The following MAGI1 variants were observed in gnomAD, a reference collection of about 807,000 sequenced individuals.
The protein encoded by MAGI1 is membrane-associated guanylate kinase, WW and PDZ domain-containing protein 1.
A neutral mutation model predicts 139.9 loss-of-function variants in MAGI1; 58 were observed. The ratio of observed to expected loss-of-function variants is 0.41; its 90% CI spans 0.34 to 0.52. The LOEUF (loss-of-function observed/expected upper bound fraction) is 0.52. Among genes scored for constraint, MAGI1 ranks in the 20% least tolerant of loss-of-function variants. MAGI1 has a pLI of 0.12. For synonymous variants in MAGI1, 812 were observed against 737.9 expected (o/e 1.10, Z -1.63); for missense variants, 1,874 against 1,901.6 (o/e 0.99, Z 0.27).
chr3:65,959,092 A>G (rs952639186), intron 1 of MAGI1, among the ~76,000 whole-genome samples: 2 of 152,196 alleles, frequency 1.3e-5, no homozygotes, highest in Non-Finnish European at 2.9e-5. Flanking sequence ...ATGAGTTCTA[A>G]AAGTCTCTGG....
intron 5 of MAGI1, among the ~76,000 whole-genome samples, chr3:65,455,241 T>C (rs2107508353): frequency 6.6e-6 from 1 of 152,246 alleles, no homozygotes; most frequent in Non-Finnish European, 1.5e-5. Context: ...CCGTGACAAC[T>C]AGGATACTGA....
intron 1 of MAGI1, among the ~76,000 whole-genome samples, chr3:66,012,787 A>C (rs2067396384): frequency 6.6e-6 from 1 of 151,850 alleles, no homozygotes; most frequent in Non-Finnish European, 1.5e-5. Flanking sequence ...AAAAAGAATA[A>C]ATAAGGGGAC....
chr3:65,911,638 G>C (rs2061674033), intron 1 of MAGI1, among the ~76,000 whole-genome samples: 1 of 152,042 alleles, frequency 6.6e-6, no homozygotes, highest in African/African-American at 2.4e-5. Flanking sequence ...TTATTTTTAA[G>C]CCCTTCAAAG....
intron 1 of MAGI1, among the ~76,000 whole-genome samples, chr3:65,738,341 T>A (rs1238061192): frequency 2.6e-5 from 4 of 152,212 alleles, no homozygotes; most frequent in Non-Finnish European, 4.4e-5. Flanking sequence ...CAAGCCAATT[T>A]AAAAAAAAAA....
intron 13 of MAGI1, among the ~76,000 whole-genome samples, chr3:65,394,026 A>T (rs2107023031): frequency 6.6e-6 from 1 of 152,282 alleles, no homozygotes; most frequent in South Asian, 2.1e-4. Context: ...GAAAATGCGT[A>T]TGTGCTTTTA....
Position 65,937,700 on chromosome 3 carries a change from T to A in MAGI1, c.313+100296A>T, listed in dbSNP as rs562232045. On this transcript the variant is annotated intron_variant, in intron 1 of 22. Transcript: ENST00000402939. ...TTTTGTGGGTTTTTTGGGGTTTTTT[T>A]AGTTACAACTTAATTAACTTCTGAC... Among the ~76,000 whole-genome samples, 4 of 152,164 alleles carry A rather than the reference T, an allele frequency of 2.6e-5. No individual in the cohort carries two copies. The East Asian group carries it at 7.8e-4, about 30-fold the overall frequency.
At chr3:65,429,398 G>A (rs1474012364) in intron 12 of MAGI1, 122 bp downstream of exon 12, 1 of 1,038,650 alleles carries the variant, frequency 9.6e-7, no homozygotes, top group Non-Finnish European at 1.4e-6. Flanking sequence ...GGAGAAATCA[G>A]TAGGCATTTT....
intron 2 of MAGI1, among the ~76,000 whole-genome samples, chr3:65,573,702 TTCTG>T (rs2081058166): frequency 6.6e-6 from 1 of 152,188 alleles, no homozygotes; most frequent in African/African-American, 2.4e-5. Flanking sequence ...CATTACCCTT[TTCTG>T]TCTAACACTT....
chr3:65,450,820 G>A (rs916717982), intron 6 of MAGI1, among the ~76,000 whole-genome samples: 1 of 152,118 alleles, frequency 6.6e-6, no homozygotes, highest in African/African-American at 2.4e-5. Flanking sequence ...CACCTCATAT[G>A]TATGACCTAC....
intron 2 of MAGI1, among the ~76,000 whole-genome samples, chr3:65,611,799 G>C (rs921994584): frequency 2.0e-5 from 3 of 151,248 alleles, no homozygotes; most frequent in African/African-American, 7.3e-5. Flanking sequence ...GTTATTAGTG[G>C]GGGTTCTTGT....
intron 1 of MAGI1, among the ~76,000 whole-genome samples, chr3:65,787,291 G>A (rs980894827): frequency 6.6e-6 from 1 of 151,872 alleles, no homozygotes; most frequent in Non-Finnish European, 1.5e-5. Context: ...AAGACACCTC[G>A]AGTTTATAAG....
intron 2 of MAGI1, among the ~76,000 whole-genome samples, chr3:65,528,856 G>C (rs1355316829): frequency 6.6e-6 from 1 of 152,128 alleles, no homozygotes; most frequent in Non-Finnish European, 1.5e-5. Flanking sequence ...GACCAGCCTG[G>C]ACAATAGAGT....
intron 12 of MAGI1, among the ~76,000 whole-genome samples, chr3:65,417,016 G>A (rs76066766): frequency 0.075 from 11,469 of 152,196 alleles, 510 homozygotes; most frequent in Non-Finnish European, 0.096. Context: ...ATGAAGGAAG[G>A]TGGGAACATT....
At chr3:65,701,129 ATAT>A (rs1436144425) in intron 1 of MAGI1, among the ~76,000 whole-genome samples, 1 of 152,234 alleles carries the variant, frequency 6.6e-6, no homozygotes, top group African/African-American at 2.4e-5. Flanking sequence ...TGTTATTCAC[ATAT>A]TATTTAATTT....
intron 1 of MAGI1, among the ~76,000 whole-genome samples, chr3:66,017,762 T>C (rs1465640708): frequency 6.6e-6 from 1 of 152,126 alleles, no homozygotes; most frequent in East Asian, 1.9e-4. Context: ...TCTACTCTCC[T>C]CGGTTTTCAC....
chr3:65,951,170 T>G (rs2106954498), intron 1 of MAGI1, among the ~76,000 whole-genome samples: 1 of 152,298 alleles, frequency 6.6e-6, no homozygotes, highest in Middle Eastern at 3.4e-3. Context: ...AAGCATCCAT[T>G]CAATCACTGT....
Position 65,666,340 on chromosome 3 carries a change from G to A in MAGI1, c.314-44252C>T, listed in dbSNP as rs968428968. On this transcript the variant is annotated intron_variant, in intron 1 of 22. Transcript: ENST00000402939. Reference sequence around the variant, plus strand: ...AAATATACTTCCTTAAGAGAATGATGACAAGACTCATGCTCAGGATAGATT... The same window carrying A: ...AAATATACTTCCTTAAGAGAATGATAACAAGACTCATGCTCAGGATAGATT... 2.0e-5 allele frequency among the ~76,000 whole-genome samples: 3 copies of A among 152,194 alleles called. No homozygotes were observed. In the East Asian group the frequency reaches 5.8e-4, roughly 29 times the overall value.
At chr3:65,401,957 T>G in intron 12 of MAGI1, 1 of 939,768 alleles carries the variant, frequency 1.1e-6, no homozygotes, top group Non-Finnish European at 1.3e-6. Context: ...TTTTCTTTTT[T>G]TTTCCTCTGC....
chr3:65,558,025 A>G (rs1183755585), intron 2 of MAGI1, among the ~76,000 whole-genome samples: 1 of 152,126 alleles, frequency 6.6e-6, no homozygotes, highest in Non-Finnish European at 1.5e-5. Flanking sequence ...ATAAAATAGG[A>G]TCTGATCCAG....
Sources: allele counts gnomAD v4.1 joint callset (sites outside exome capture counted in the v4.1 genomes callset), GRCh38; gene constraint gnomAD v4.1.1; transcripts MANE v1.5; gene names NCBI Gene and HGNC (gene_info 2026-07-23, HGNC 2026-07-21).